The following NRG1 variants were observed in gnomAD, a reference collection of about 807,000 sequenced individuals.
NRG1 encodes pro-neuregulin-1, membrane-bound isoform.
NRG1 carries 18 observed loss-of-function variants against 63.8 expected under a neutral mutation model. The ratio of observed to expected loss-of-function variants is 0.28; its 90% CI spans 0.19 to 0.42. The LOEUF is 0.42. Ranked by LOEUF, NRG1 falls within the 10% of genes least tolerant of loss-of-function variation. NRG1 has a pLI of 1.00. For missense variants in NRG1, 762 were observed against 814.7 expected (o/e 0.94, Z 0.79); for synonymous variants, 302 against 301.3 (o/e 1.00, Z -0.02).
intron 1 of NRG1, chr8:31,639,892 AGTG>A: frequency 9.2e-7 from 1 of 1,084,146 alleles, no homozygotes; most frequent in Non-Finnish European, 1.1e-6. Flanking sequence ...GAGGAGGAGG[AGTG>A]GTGCTGCGAG....
intron 1 of NRG1, among the ~76,000 whole-genome samples, chr8:31,812,219 C>T (rs1822956643): frequency 6.6e-6 from 1 of 152,092 alleles, no homozygotes; most frequent in South Asian, 2.1e-4. Flanking sequence ...GGAATGAATA[C>T]AGTTTGAGAG....
At chr8:32,067,776 A>T (rs1465683174) in intron 1 of NRG1, among the ~76,000 whole-genome samples, 2 of 152,210 alleles carry the variant, frequency 1.3e-5, no homozygotes, top group Admixed American at 6.6e-5. Flanking sequence ...CTTATATATT[A>T]TCCATACACG....
At chr8:32,752,379 G>A (rs1172088622) in intron 7 of NRG1, among the ~76,000 whole-genome samples, 1 of 152,160 alleles carries the variant, frequency 6.6e-6, no homozygotes, top group Non-Finnish European at 1.5e-5. Context: ...TAACATATAA[G>A]CACTCACATT....
intron 1 of NRG1, among the ~76,000 whole-genome samples, chr8:32,455,903 C>T (rs1422670799): frequency 6.6e-6 from 1 of 152,190 alleles, no homozygotes; most frequent in Non-Finnish European, 1.5e-5. Flanking sequence ...CATGCTCAGC[C>T]TCTGAGTAGC....
intron 1 of NRG1, among the ~76,000 whole-genome samples, chr8:32,488,414 A>G (rs1485882261): frequency 1.3e-5 from 2 of 152,164 alleles, no homozygotes; most frequent in Non-Finnish European, 2.9e-5. Context: ...GTGGGAGCAA[A>G]TGAAGCCATT....
chr8:32,273,915 C>G (rs949457631), intron 1 of NRG1, among the ~76,000 whole-genome samples: 1 of 152,156 alleles, frequency 6.6e-6, no homozygotes, highest in African/African-American at 2.4e-5. Flanking sequence ...GTCCATAGAA[C>G]AATTAATAGT....
intron 1 of NRG1, among the ~76,000 whole-genome samples, chr8:31,810,265 A>G (rs1246038893): frequency 6.6e-6 from 1 of 152,062 alleles, no homozygotes; most frequent in East Asian, 1.9e-4. Context: ...CTCTGCTTCC[A>G]TTCTTTTCAC....
intron 5 of NRG1, among the ~76,000 whole-genome samples, chr8:32,691,347 C>A (rs867863790): frequency 2.0e-5 from 3 of 152,010 alleles, no homozygotes; most frequent in African/African-American, 7.2e-5. Context: ...TGCCAGACTC[C>A]GTCTCAAAAA....
chr8:32,020,824 G>A (rs1395166824), intron 1 of NRG1, among the ~76,000 whole-genome samples: 1 of 152,082 alleles, frequency 6.6e-6, no homozygotes, highest in African/African-American at 2.4e-5. Flanking sequence ...CTGTTATAAT[G>A]CTTTAGTTTC....
chr8:31,934,772 T>G (rs191598050), intron 1 of NRG1, among the ~76,000 whole-genome samples: 2 of 152,162 alleles, frequency 1.3e-5, no homozygotes. Context: ...TACCTACCTA[T>G]CTATTTTTTT....
chr8:31,703,934 C>T (rs1810875091), intron 1 of NRG1, among the ~76,000 whole-genome samples: 1 of 152,222 alleles, frequency 6.6e-6, no homozygotes, highest in Admixed American at 6.5e-5. Flanking sequence ...GCCCTCCACA[C>T]ATTTTGCCTA....
At chr8:31,993,945 A>G (rs76448518) in intron 1 of NRG1, among the ~76,000 whole-genome samples, 3,223 of 152,128 alleles carry the variant, frequency 0.021, 98 homozygotes, top group African/African-American at 0.072. Flanking sequence ...TAATCTGGAT[A>G]GAGTTAGAGT....
intron 1 of NRG1, among the ~76,000 whole-genome samples, chr8:32,465,420 G>A (rs960541022): frequency 6.6e-6 from 1 of 152,228 alleles, no homozygotes; most frequent in Non-Finnish European, 1.5e-5. Context: ...TGCTCAGTGA[G>A]TTTGATGCTC....
intron 1 of NRG1, among the ~76,000 whole-genome samples, chr8:32,240,539 A>C (rs1383961): frequency 0.7 from 106,556 of 151,778 alleles, 37,957 homozygotes; most frequent in African/African-American, 0.79. Context: ...CCAAATACAC[A>C]CACAAACACA....
chr8:31,695,090 A>G (rs1809918742), intron 1 of NRG1, among the ~76,000 whole-genome samples: 1 of 152,224 alleles, frequency 6.6e-6, no homozygotes, highest in Non-Finnish European at 1.5e-5. Flanking sequence ...AGCATGGCAG[A>G]AGGATGAAGA....
intron 3 of NRG1, among the ~76,000 whole-genome samples, chr8:32,606,595 T>C (rs994356066): frequency 6.6e-6 from 1 of 152,172 alleles, no homozygotes; most frequent in Non-Finnish European, 1.5e-5. Context: ...ATGATGATGA[T>C]GACCTAGCAA....
intron 1 of NRG1, among the ~76,000 whole-genome samples, chr8:32,466,472 T>C (rs1256221079): frequency 6.6e-6 from 1 of 152,186 alleles, no homozygotes; most frequent in East Asian, 1.9e-4. Context: ...TGATGCTTGT[T>C]ATGTGACAAA....
chr8:32,118,501 A>T (rs1000724566), intron 1 of NRG1, among the ~76,000 whole-genome samples: 5 of 152,102 alleles, frequency 3.3e-5, no homozygotes, highest in Non-Finnish European at 7.4e-5. Context: ...TAGAACCATG[A>T]GCCAAATAAA....
chr8:32,025,073 T>C (rs1412623408), intron 1 of NRG1, among the ~76,000 whole-genome samples: 3 of 152,162 alleles, frequency 2.0e-5, no homozygotes, highest in Admixed American at 6.5e-5. Flanking sequence ...CACTTTTCAT[T>C]TTATATTTCT....
Sources: allele counts gnomAD v4.1 joint callset (sites outside exome capture counted in the v4.1 genomes callset), GRCh38; gene constraint gnomAD v4.1.1; transcripts MANE v1.5; gene names NCBI Gene and HGNC (gene_info 2026-07-23, HGNC 2026-07-21).